GRID1: variants seen among roughly 807,000 people sequenced by gnomAD.
GRID1 encodes glutamate ionotropic receptor delta type subunit 1.
Under a neutral mutation model 98.0 loss-of-function variants are expected in GRID1, and 28 were observed. The observed-to-expected ratio is 0.29, with a 90% CI of 0.21 to 0.39. The LOEUF is 0.39. Among genes scored for constraint, GRID1 ranks in the 10% least tolerant of loss-of-function variants. The probability of loss-of-function intolerance (pLI) is 1.00; values close to 1 mark genes in which losing one functional copy is unlikely to be tolerated. For missense variants in GRID1, 1,111 were observed against 1,340.5 expected, an observed-to-expected ratio of 0.83 and a Z score of 2.67; for synonymous variants, 553 against 538.5, an observed-to-expected ratio of 1.03 and a Z score of -0.37.
intron 2 of GRID1, among the ~76,000 whole-genome samples, chr10:86,350,186 C>A (rs535024871): frequency 1.3e-5 from 2 of 152,268 alleles, no homozygotes; most frequent in Non-Finnish European, 2.9e-5. Flanking sequence ...AGAGAAGTGG[C>A]GGCTAAGACA....
At chr10:85,613,291 T>G (rs1259315065) in intron 15 of GRID1, 116 bp downstream of exon 15, 2 of 1,017,444 alleles carry the variant, frequency 2.0e-6, no homozygotes, top group East Asian at 5.2e-5. Context: ...CACTGCTGCC[T>G]CCAGACAAGA....
At chr10:85,641,124 T>C (rs1843111380) in intron 13 of GRID1, among the ~76,000 whole-genome samples, 1 of 152,232 alleles carries the variant, frequency 6.6e-6, no homozygotes, top group Admixed American at 6.5e-5. Flanking sequence ...AAAGGCTTAA[T>C]CAACTGGTGA....
chr10:86,069,572 C>T (rs1242530996), intron 4 of GRID1, among the ~76,000 whole-genome samples: 1 of 152,040 alleles, frequency 6.6e-6, no homozygotes, highest in African/African-American at 2.4e-5. Context: ...GGCGTGAACC[C>T]GGGAGGCGGA....
At chr10:86,209,803 C>T (rs770701825) in intron 2 of GRID1, among the ~76,000 whole-genome samples, 3 of 152,192 alleles carry the variant, frequency 2.0e-5, no homozygotes, top group Non-Finnish European at 4.4e-5. Context: ...TCACTTTTGG[C>T]TCTTGTTGCC....
At chr10:86,143,421 G>T (rs1870157) in intron 3 of GRID1, among the ~76,000 whole-genome samples, 31,472 of 151,870 alleles carry the variant, frequency 0.21, 3,788 homozygotes, top group African/African-American at 0.33. Flanking sequence ...TGCTGCTGCT[G>T]CTCACACAGA....
intron 8 of GRID1, among the ~76,000 whole-genome samples, chr10:85,795,306 C>T (rs964104991): frequency 6.6e-6 from 1 of 152,126 alleles, no homozygotes; most frequent in Non-Finnish European, 1.5e-5. Context: ...GTTCCTGGGG[C>T]AGCCAGACCA....
At chr10:86,002,495 A>G (rs954012027) in intron 4 of GRID1, among the ~76,000 whole-genome samples, 5 of 141,508 alleles carry the variant, frequency 3.5e-5, no homozygotes, top group African/African-American at 1.3e-4. Flanking sequence ...TTGCACTTAC[A>G]TTCTCCATTT....
Position 86,167,140 on chromosome 10 carries a change from G to A in GRID1, c.521-28116C>T, listed in dbSNP as rs560797835. On this transcript the variant is annotated intron_variant, in intron 3 of 15. Coordinates refer to ENST00000327946, the MANE Select transcript of GRID1 (RefSeq NM_017551.3). ...GCACAATCTTATCAGGGAGACCTGA[G>A]GTTTTTCCACAGTTCTGAGAGCACT... Among the ~76,000 whole-genome samples the A allele has an allele frequency of 3.3e-5, 5 of 152,328 alleles. No individual in the cohort carries two copies. In the East Asian group the frequency reaches 9.6e-4, roughly 29 times the overall value.
intron 13 of GRID1, among the ~76,000 whole-genome samples, chr10:85,639,063 C>T (rs1182973807): frequency 6.6e-6 from 1 of 152,136 alleles, no homozygotes; most frequent in Non-Finnish European, 1.5e-5. Flanking sequence ...GAATTTCACC[C>T]TTTCAAATTT....
chr10:85,606,964 A>G lies in GRID1; in HGVS notation c.2602-4263T>C, dbSNP rs550359587. 9.8e-5 allele frequency: 15 copies of G among 152,330 alleles called. No individual in the cohort carries two copies. The East Asian group carries it at 2.7e-3, about 27-fold the overall frequency. 9.4% of individuals were successfully genotyped at this position (152,330 alleles called of 1,614,324 possible). On this transcript the variant is annotated intron_variant, in intron 15 of 15. Coordinates refer to ENST00000327946, the MANE Select transcript of GRID1 (RefSeq NM_017551.3). ...GACTTGGAAACTTACTGCTATCTTC[A>G]TTAATTTACTGTAGGTAACTGACCT...
In GRID1 at chr10:85,777,467, T is replaced by C. The variant is rs80157753; in HGVS notation, c.1234-47853A>G. 3.0e-3 allele frequency among the ~76,000 whole-genome samples: 454 copies of C among 152,306 alleles called. 4 individuals carry two copies. The highest frequency in any genetic ancestry group is 0.01 in the African/African-American group (427 of 41,564). ...CCCACACCTGGGCTTATGATTTAAGTAGAATGGGGTAGGACCTGGGCACTG... is the reference window on the plus strand; with the variant it reads ...CCCACACCTGGGCTTATGATTTAAGCAGAATGGGGTAGGACCTGGGCACTG... On this transcript the variant is annotated intron_variant, in intron 8 of 15. Transcript: ENST00000327946.
intron 2 of GRID1, among the ~76,000 whole-genome samples, chr10:86,299,509 T>C: frequency 6.9e-6 from 1 of 145,238 alleles, no homozygotes; most frequent in Admixed American, 6.9e-5. Context: ...CAACAGGCCC[T>C]GGTGTGTGAA....
intron 3 of GRID1, among the ~76,000 whole-genome samples, chr10:86,172,620 C>G (rs911877778): frequency 6.6e-6 from 1 of 152,060 alleles, no homozygotes; most frequent in East Asian, 1.9e-4. Flanking sequence ...GCAGAAGTAT[C>G]CAGGGATAAA....
chr10:86,272,902 G>T (rs1847206628), intron 2 of GRID1, among the ~76,000 whole-genome samples: 1 of 152,016 alleles, frequency 6.6e-6, no homozygotes, highest in South Asian at 2.1e-4. Context: ...TTGTTTGTTT[G>T]TTTGTTTTTG....
intron 4 of GRID1, among the ~76,000 whole-genome samples, chr10:86,014,141 G>T (rs921110158): frequency 6.6e-6 from 1 of 152,168 alleles, no homozygotes; most frequent in African/African-American, 2.4e-5. Context: ...CTGACACTCA[G>T]CTCCCACAAG....
At chr10:86,018,326 C>A (rs1233857822) in intron 4 of GRID1, among the ~76,000 whole-genome samples, 2 of 152,210 alleles carry the variant, frequency 1.3e-5, no homozygotes, top group African/African-American at 2.4e-5. Flanking sequence ...GGTCAGAATT[C>A]TGTAAGTGCC....
intron 8 of GRID1, among the ~76,000 whole-genome samples, chr10:85,830,181 C>G (rs1370464760): frequency 6.6e-6 from 1 of 152,078 alleles, no homozygotes; most frequent in Non-Finnish European, 1.5e-5. Context: ...TGATCTTTGA[C>G]AAAGTAAACA....
chr10:86,356,818 G>A (rs1848539529), intron 2 of GRID1, among the ~76,000 whole-genome samples: 1 of 152,222 alleles, frequency 6.6e-6, no homozygotes, highest in Non-Finnish European at 1.5e-5. Context: ...GAATGGGTTA[G>A]AAATTATCTG....
At chr10:86,093,807 C>T (rs377404431) in intron 4 of GRID1, among the ~76,000 whole-genome samples, 31 of 152,176 alleles carry the variant, frequency 2.0e-4, no homozygotes, top group African/African-American at 7.2e-4. Flanking sequence ...CACTATTCCA[C>T]AAGAAAGACA....
Sources: gnomAD v4.1 joint callset for allele counts (sites outside exome capture counted in the v4.1 genomes callset) on GRCh38, gnomAD v4.1.1 for gene constraint, MANE v1.5 for transcripts, NCBI Gene and HGNC (gene_info 2026-07-23, HGNC 2026-07-21) for gene names.